Variants in DGKH observed in about 807,000 individuals in gnomAD.
DGKH encodes the protein diacylglycerol kinase eta, also known as DAG kinase eta.
DGKH carries 90 observed loss-of-function variants against 159.3 expected under a neutral mutation model. The ratio of observed to expected loss-of-function variants is 0.57; its 90% CI spans 0.48 to 0.67. The LOEUF (loss-of-function observed/expected upper bound fraction) is 0.67. Among genes scored for constraint, DGKH ranks in the 30% least tolerant of loss-of-function variants. The probability of loss-of-function intolerance (pLI) is 0.00; values close to 1 mark genes in which losing one functional copy is unlikely to be tolerated. For missense variants in DGKH, 1,181 were observed against 1,506.1 expected, an observed-to-expected ratio of 0.78 and a Z score of 3.57; for synonymous variants, 536 against 553.8, an observed-to-expected ratio of 0.97 and a Z score of 0.45.
downstream of DGKH, among the ~76,000 whole-genome samples, chr13:42,247,423 G>A (rs1056824877): frequency 8.6e-5 from 13 of 151,690 alleles, no homozygotes; most frequent in Non-Finnish European, 1.2e-4. Flanking sequence ...TAGAGACGGG[G>A]TTTCACCATG....
intron 16 of DGKH, among the ~76,000 whole-genome samples, chr13:42,191,658 G>A (rs116679252): frequency 1.3e-3 from 198 of 152,130 alleles, no homozygotes; most frequent in African/African-American, 4.6e-3. Flanking sequence ...AGGACTAGTA[G>A]TAGTGAGTAC....
intron 14 of DGKH, among the ~76,000 whole-genome samples, chr13:42,187,556 A>G (rs1391063962): frequency 6.6e-6 from 1 of 152,098 alleles, no homozygotes; most frequent in African/African-American, 2.4e-5. Context: ...TTGTATTTCT[A>G]GTAGAGACGG....
intron 1 of DGKH, among the ~76,000 whole-genome samples, 172 bp downstream of exon 1, chr13:42,049,137 AT>A (rs1881046861): frequency 3.9e-5 from 2 of 51,318 alleles, no homozygotes; most frequent in Admixed American, 2.3e-4. Context: ...GAAGGCGGGG[AT>A]GGTGAGACGG....
intron 16 of DGKH, among the ~76,000 whole-genome samples, chr13:42,193,109 T>C (rs1238232479): frequency 1.3e-5 from 2 of 152,228 alleles, no homozygotes; most frequent in Non-Finnish European, 2.9e-5. Flanking sequence ...GTGAATTTGA[T>C]AAGCAGGCCT....
At chr13:42,212,087 A>C (rs1366896664) in intron 24 of DGKH, among the ~76,000 whole-genome samples, 2 of 152,180 alleles carry the variant, frequency 1.3e-5, no homozygotes, top group Non-Finnish European at 2.9e-5. Context: ...TCATCTGGTC[A>C]CTGATAAAAA....
chr13:42,184,837 A>T (rs1328474994), intron 13 of DGKH, among the ~76,000 whole-genome samples: 2 of 151,790 alleles, frequency 1.3e-5, no homozygotes, highest in Non-Finnish European at 2.9e-5. Context: ...ATTGCACTCC[A>T]GCCTAGGCAA....
intron 1 of DGKH, among the ~76,000 whole-genome samples, chr13:42,040,777 G>C (rs1880445065): frequency 6.8e-6 from 1 of 148,092 alleles, no homozygotes; most frequent in Non-Finnish European, 1.5e-5. Context: ...GGCGGCGGCC[G>C]AGAGGGACCG....
At chr13:42,166,184 C>T (rs1034115765) in intron 8 of DGKH, among the ~76,000 whole-genome samples, 1 of 151,980 alleles carries the variant, frequency 6.6e-6, no homozygotes, top group Admixed American at 6.6e-5. Context: ...GTTTATAAAC[C>T]TCAAAATATG....
chr13:42,111,174 T>G lies in DGKH; in HGVS notation c.193-16289T>G, dbSNP rs543532474. On this transcript the variant is annotated intron_variant, in intron 1 of 29. Transcript: ENST00000337343. ...AAATAAATGTTCACAAAATACAGTC[T>G]CAAGGAGGTAATTACATCATTATAG... 7.2e-3 allele frequency among the ~76,000 whole-genome samples: 894 copies of G among 123,556 alleles called. 9 individuals are homozygous for G. The highest frequency in any genetic ancestry group is 0.014 in the Non-Finnish European group (725 of 52,926). 81.1% of individuals were successfully genotyped at this position (123,556 alleles called of 152,430 possible).
At chr13:42,052,489 A>C (rs1881397204) in intron 1 of DGKH, among the ~76,000 whole-genome samples, 1 of 152,220 alleles carries the variant, frequency 6.6e-6, no homozygotes, top group Non-Finnish European at 1.5e-5. Flanking sequence ...ACAAAAGTGA[A>C]AGTGGTGCTG....
chr13:42,167,872 A>T (rs541825929), intron 9 of DGKH, among the ~76,000 whole-genome samples: 7 of 152,310 alleles, frequency 4.6e-5, no homozygotes, highest in African/African-American at 1.7e-4. Flanking sequence ...CAGATTTTCC[A>T]TAATACTTGA....
intron 1 of DGKH, among the ~76,000 whole-genome samples, chr13:42,068,644 CAG>C (rs1344923847): frequency 6.6e-6 from 1 of 152,158 alleles, no homozygotes; most frequent in Non-Finnish European, 1.5e-5. Context: ...TCCTGTAAAA[CAG>C]ATCATTGTTC....
chr13:42,124,010 T>C (rs1046955493), intron 1 of DGKH, among the ~76,000 whole-genome samples: 2 of 152,214 alleles, frequency 1.3e-5, no homozygotes, highest in African/African-American at 4.8e-5. Context: ...TTGTATACTT[T>C]ATGTGCAGTT....
At chr13:42,065,818 T>C (rs1264132963) in intron 1 of DGKH, among the ~76,000 whole-genome samples, 1 of 152,228 alleles carries the variant, frequency 6.6e-6, no homozygotes, top group Non-Finnish European at 1.5e-5. Flanking sequence ...TGTTTGTCTG[T>C]AGGCTGATAA....
At chr13:42,051,702 C>T (rs1006462547) in intron 1 of DGKH, among the ~76,000 whole-genome samples, 2 of 123,682 alleles carry the variant, frequency 1.6e-5, no homozygotes, top group Admixed American at 1.0e-4. Flanking sequence ...TCTTGTTGCC[C>T]AGGCTGGAGT....
chr13:42,062,224 C>T (rs1238580999), intron 1 of DGKH, among the ~76,000 whole-genome samples: 1 of 152,180 alleles, frequency 6.6e-6, no homozygotes, highest in African/African-American at 2.4e-5. Flanking sequence ...GTAAGGCAGG[C>T]ATTTTCATCC....
chr13:42,114,675 T>G (rs916344262), intron 1 of DGKH, among the ~76,000 whole-genome samples: 25 of 152,238 alleles, frequency 1.6e-4, no homozygotes, highest in African/African-American at 6.0e-4. Flanking sequence ...TAAAATAATA[T>G]ACATAGCTTG....
chr13:42,188,095 T>C (rs1956974450), intron 14 of DGKH, among the ~76,000 whole-genome samples: 1 of 152,204 alleles, frequency 6.6e-6, no homozygotes, highest in Non-Finnish European at 1.5e-5. Flanking sequence ...ACATTTGAAG[T>C]TTTCTGCCTT....
intron 1 of DGKH, among the ~76,000 whole-genome samples, chr13:42,110,173 G>A (rs1451865249): frequency 3.3e-5 from 5 of 152,156 alleles, no homozygotes; most frequent in African/African-American, 1.2e-4. Context: ...TGAGATAACT[G>A]TATGTGGTAG....
Sources: allele counts gnomAD v4.1 joint callset (sites outside exome capture counted in the v4.1 genomes callset), GRCh38; gene constraint gnomAD v4.1.1; transcripts MANE v1.5; gene names NCBI Gene and HGNC (gene_info 2026-07-23, HGNC 2026-07-21).